KCNK13: variants seen among roughly 807,000 people sequenced by gnomAD.
KCNK13 encodes the protein potassium two pore domain channel subfamily K member 13, also known as potassium channel subfamily K member 13.
A neutral mutation model predicts 23.4 loss-of-function variants in KCNK13; 12 were observed. The ratio of observed to expected loss-of-function variants is 0.51; its 90% CI spans 0.33 to 0.83. The LOEUF (loss-of-function observed/expected upper bound fraction) is 0.83, where lower values mean the gene tolerates loss of function less well. Among genes scored for constraint, KCNK13 ranks in the 40% least tolerant of loss-of-function variants. The pLI is 0.02. For missense variants in KCNK13, 463 were observed against 556.3 expected (o/e 0.83, Z 1.69); for synonymous variants, 231 against 229.5 (o/e 1.01, Z -0.06).
chr14:90,089,851 G>C (rs1400267395), intron 1 of KCNK13, among the ~76,000 whole-genome samples: 1 of 152,236 alleles, frequency 6.6e-6, no homozygotes, highest in African/African-American at 2.4e-5. Context: ...CAAGCCCCAA[G>C]CCTTGGTAGC....
intron 1 of KCNK13, among the ~76,000 whole-genome samples, chr14:90,083,375 T>G (rs1039142080): frequency 2.6e-5 from 4 of 152,230 alleles, no homozygotes; most frequent in Non-Finnish European, 4.4e-5. Flanking sequence ...TTTATACTTA[T>G]GTTTTCTTCT....
At position 90,062,180 on chromosome 14, in the gene KCNK13, TG is replaced by T; in HGVS notation, c.-21del. The stretch of plus-strand genomic sequence containing the variant: ...CCGCCGACGCCCGGTGCCGTGGGCC[TG>T]GGGGCTGCCCCCGGGGGCCCGGCCA... On this transcript the variant is annotated 5_prime_UTR_variant, in exon 1 of 2. Coordinates refer to ENST00000282146, the MANE Select transcript of KCNK13 (RefSeq NM_022054.4). The surrounding 1 kb of genome is among the most constrained non-coding windows in gnomAD (Gnocchi z 4.5). 6 of 1,351,680 alleles carry T rather than the reference TG, an allele frequency of 4.4e-6. No homozygotes were observed. The highest frequency in any genetic ancestry group is 5.7e-6 in the Non-Finnish European group (6 of 1,050,216). 83.7% of individuals were successfully genotyped at this position (1,351,680 alleles called of 1,614,324 possible). A position where few individuals can be genotyped will look rare whatever the true frequency, so the allele number is the denominator to read the frequency against.
chr14:90,083,668 C>T (rs1413781147), intron 1 of KCNK13, among the ~76,000 whole-genome samples: 3 of 152,202 alleles, frequency 2.0e-5, no homozygotes, highest in African/African-American at 4.8e-5. Flanking sequence ...GATGTATTCC[C>T]TCCTGTGATG....
At chr14:90,072,546 G>A (rs1889088492) in intron 1 of KCNK13, among the ~76,000 whole-genome samples, 1 of 152,198 alleles carries the variant, frequency 6.6e-6, no homozygotes. Context: ...AGGGAGGACA[G>A]GGAGCGCATA....
intron 1 of KCNK13, among the ~76,000 whole-genome samples, chr14:90,077,094 C>T (rs1417855123): frequency 2.1e-5 from 3 of 143,226 alleles, no homozygotes; most frequent in African/African-American, 7.8e-5. Context: ...GCTGGGATTA[C>T]AGGCATGAGC....
At chr14:90,146,380 A>G (rs1890073566) in intron 1 of KCNK13, among the ~76,000 whole-genome samples, 1 of 152,110 alleles carries the variant, frequency 6.6e-6, no homozygotes, top group Non-Finnish European at 1.5e-5. Flanking sequence ...CAGTGGTACA[A>G]TCTTGGCTCA....
At chr14:90,183,999 A>C in intron 1 of KCNK13, 112 bp from the exon 2 acceptor site, 1 of 923,056 alleles carries the variant, frequency 1.1e-6, no homozygotes, top group Non-Finnish European at 1.7e-6. Context: ...ACTAAGGCTG[A>C]GTGATTTTAT....
intron 1 of KCNK13, among the ~76,000 whole-genome samples, chr14:90,137,478 G>A (rs775515809): frequency 3.9e-4 from 59 of 151,782 alleles, no homozygotes; most frequent in Non-Finnish European, 5.4e-4. Context: ...CCGCCAACAC[G>A]GCAGCCTAAT....
chr14:90,075,100 T>G (rs1889119497), intron 1 of KCNK13, among the ~76,000 whole-genome samples: 1 of 152,146 alleles, frequency 6.6e-6, no homozygotes, highest in African/African-American at 2.4e-5. Flanking sequence ...ATTGGTATTA[T>G]CCTCCTTCAT....
At position 90,107,941 on chromosome 14, in the gene KCNK13, G is replaced by A. The variant is rs1392544464; in HGVS notation, c.334+45402G>A. ...GCAGATGCAGTGATCTAGTCACTAT[G>A]CAATAGAGTGGGGAACTGCTGACGC... On this transcript the variant is annotated intron_variant, in intron 1 of 1. Coordinates refer to ENST00000282146, the MANE Select transcript of KCNK13 (RefSeq NM_022054.4). 10 of 740,918 alleles carry A rather than the reference G, an allele frequency of 1.3e-5. 1 individual carries two copies. The highest frequency in any genetic ancestry group is 5.4e-5 in the East Asian group (2 of 37,314). The allele number at this position is 740,918 out of a possible 1,614,324, so 45.9% of individuals were successfully genotyped here. A position where few individuals can be genotyped will look rare whatever the true frequency, so the allele number is the denominator to read the frequency against.
At chr14:90,090,748 C>T (rs1889335299) in intron 1 of KCNK13, among the ~76,000 whole-genome samples, 1 of 152,130 alleles carries the variant, frequency 6.6e-6, no homozygotes, top group South Asian at 2.1e-4. Flanking sequence ...TGGGTTTTCC[C>T]ATGCTATTCT....
chr14:90,064,870 AC>A (rs1436549278), intron 1 of KCNK13, among the ~76,000 whole-genome samples: 1 of 152,214 alleles, frequency 6.6e-6, no homozygotes, highest in Non-Finnish European at 1.5e-5. Flanking sequence ...TTAGGCACAT[AC>A]TGTATGATTA....
At chr14:90,173,713 G>A (rs559537872) in intron 1 of KCNK13, among the ~76,000 whole-genome samples, 1 of 152,240 alleles carries the variant, frequency 6.6e-6, no homozygotes, top group South Asian at 2.1e-4. Context: ...GAAAGTAGAG[G>A]TTACAAGCAG....
chr14:90,128,545 A>C (rs1254946578), intron 1 of KCNK13, among the ~76,000 whole-genome samples: 1 of 152,086 alleles, frequency 6.6e-6, no homozygotes, highest in Admixed American at 6.5e-5. Context: ...AGCGGCAGAA[A>C]TAAAGGGCCA....
In KCNK13 at chr14:90,184,683, C is replaced by T. The variant is rs1890527280; in HGVS notation, c.907C>T (p.Gln303Ter). The T allele has an allele frequency of 6.2e-7, 1 of 1,614,108 alleles. No homozygotes were observed. The highest frequency in any genetic ancestry group is 1.1e-5 in the South Asian group (1 of 91,092). ...KMDSGCCPQC[Q>*]RGLLRSRRNV... is the part of the protein sequence containing the mutation. The stretch of plus-strand genomic sequence containing the variant: ...GGACAGCGGGTGCTGCCCGCAATGC[C>T]AGAGAGGACTCTTGCGATCACGCAG... The change falls in exon 2 of 2, where the codon CAG becomes TAG. Residue 303 changes from glutamine to a stop codon, truncating the protein, a stop_gained. Coordinates refer to ENST00000282146, the MANE Select transcript of KCNK13 (RefSeq NM_022054.4). LOFTEE classifies it low-confidence loss of function (END_TRUNC). This position sits in a 1 kb window ranked among gnomAD's most constrained non-coding sequence, Gnocchi z 5.6.
At chr14:90,161,743 C>A in intron 1 of KCNK13, among the ~76,000 whole-genome samples, 1 of 152,252 alleles carries the variant, frequency 6.6e-6, no homozygotes, top group East Asian at 1.9e-4. Context: ...ATCCAAATAT[C>A]TTTTCTGGAA....
Position 90,106,179 on chromosome 14 carries a change from C to T in KCNK13, c.334+43640C>T, listed in dbSNP as rs139011933. On this transcript the variant is annotated intron_variant, in intron 1 of 1. Coordinates refer to ENST00000282146, the MANE Select transcript of KCNK13 (RefSeq NM_022054.4). ...TTATGTCAAAAATAATTTAGGAGCT[C>T]GGTGCCATAAGGCCTCACAGTAAAC... is the stretch of plus-strand genomic sequence containing the variant. Among the ~76,000 whole-genome samples, 528 of 152,306 alleles carry T rather than the reference C, an allele frequency of 3.5e-3. 5 individuals are homozygous for T. Among genetic ancestry groups the T allele is most frequent in the African/African-American group, 0.011 (466 of 41,572 alleles).
At chr14:90,172,697 G>A (rs1890378831) in intron 1 of KCNK13, among the ~76,000 whole-genome samples, 1 of 152,102 alleles carries the variant, frequency 6.6e-6, no homozygotes, top group African/African-American at 2.4e-5. Flanking sequence ...TAAGTGTGTG[G>A]GTTTGCATAA....
At chr14:90,106,808 G>T (rs1248988198) in intron 1 of KCNK13, among the ~76,000 whole-genome samples, 1 of 151,292 alleles carries the variant, frequency 6.6e-6, no homozygotes, top group Admixed American at 6.6e-5. Context: ...GATTGTTTGA[G>T]GCCAGGAGTT....
Sources: allele counts gnomAD v4.1 joint callset (sites outside exome capture counted in the v4.1 genomes callset), GRCh38; gene constraint gnomAD v4.1.1; non-coding constraint Gnocchi (gnomAD v3.1); transcripts MANE v1.5; gene names NCBI Gene and HGNC (gene_info 2026-07-23, HGNC 2026-07-21).